Variants in TRPM3 observed in about 807,000 individuals in gnomAD.
TRPM3 encodes transient receptor potential cation channel subfamily M member 3, also known as long transient receptor potential channel 3.
Under a neutral mutation model 181.2 loss-of-function variants are expected in TRPM3, and 77 were observed. That is an observed-to-expected ratio of 0.42 (90% CI 0.35 to 0.51). TRPM3 has a LOEUF of 0.51. TRPM3 is among the 20% of genes least tolerant of loss of function. The probability of loss-of-function intolerance (pLI) is 0.01; values close to 1 mark genes in which losing one functional copy is unlikely to be tolerated. For missense variants in TRPM3, 1,759 were observed against 2,196.7 expected (o/e 0.80, Z 3.98); for synonymous variants, 745 against 796.4 (o/e 0.94, Z 1.09).
At chr9:71,396,094 A>G (rs888823880) in intron 1 of TRPM3, among the ~76,000 whole-genome samples, 1 of 152,230 alleles carries the variant, frequency 6.6e-6, no homozygotes, top group Non-Finnish European at 1.5e-5. Flanking sequence ...AACAACTATT[A>G]GGATTAAAAA....
intron 12 of TRPM3, among the ~76,000 whole-genome samples, chr9:70,627,406 T>G (rs1367794328): frequency 6.6e-6 from 1 of 151,678 alleles, no homozygotes; most frequent in Non-Finnish European, 1.5e-5. Flanking sequence ...CCGAGTAGCT[T>G]GGACTACAGG....
chr9:71,408,157 G>A (rs1478354723), intron 1 of TRPM3, among the ~76,000 whole-genome samples: 1 of 152,208 alleles, frequency 6.6e-6, no homozygotes, highest in Non-Finnish European at 1.5e-5. Flanking sequence ...AACCAGAGCA[G>A]AAAAGTTGAA....
intron 9 of TRPM3, among the ~76,000 whole-genome samples, chr9:70,663,439 G>T (rs1386137183): frequency 6.6e-6 from 1 of 152,116 alleles, no homozygotes; most frequent in Non-Finnish European, 1.5e-5. Context: ...TTATGAATGA[G>T]CAAGTGAATG....
intron 1 of TRPM3, among the ~76,000 whole-genome samples, chr9:70,879,047 C>T (rs890391084): frequency 1.6e-4 from 25 of 152,024 alleles, no homozygotes; most frequent in Admixed American, 1.4e-3. Context: ...CTAATTTGGA[C>T]CTCATCATAC....
intron 14 of TRPM3, among the ~76,000 whole-genome samples, chr9:70,622,858 TTC>T (rs1026160231): frequency 5.9e-5 from 9 of 152,284 alleles, no homozygotes; most frequent in Non-Finnish European, 8.8e-5. Flanking sequence ...TCTCTCATTT[TTC>T]TCTCTCTCTT....
Position 70,772,186 on chromosome 9 carries a change from T to C in TRPM3, c.1149-10462A>G, listed in dbSNP as rs74439293. Reference sequence around the variant, plus strand: ...TCCAATATGGTAGCTGTTACTCACATGTGGCTATTTAATTATAATACAATG... The same window carrying C: ...TCCAATATGGTAGCTGTTACTCACACGTGGCTATTTAATTATAATACAATG... On this transcript the variant is annotated intron_variant, in intron 7 of 25. Coordinates refer to ENST00000677713, the MANE Select transcript of TRPM3 (RefSeq NM_001366145.2). Among the ~76,000 whole-genome samples the C allele has an allele frequency of 3.9e-3, 591 of 150,458 alleles. 5 individuals are homozygous for C. Among genetic ancestry groups the C allele is most frequent in the African/African-American group, 0.014 (570 of 39,814 alleles).
chr9:71,372,668 G>C (rs1277620884), intron 1 of TRPM3, among the ~76,000 whole-genome samples: 1 of 152,136 alleles, frequency 6.6e-6, no homozygotes, highest in Non-Finnish European at 1.5e-5. Context: ...AGAAGAGTCT[G>C]TTCATGTTCT....
At chr9:71,261,149 C>G (rs11142759) in intron 1 of TRPM3, among the ~76,000 whole-genome samples, 82,629 of 152,050 alleles carry the variant, frequency 0.54, 22,570 homozygotes, top group African/African-American at 0.59. Context: ...TCAATCAAAC[C>G]TATGTTTGGT....
intron 1 of TRPM3, among the ~76,000 whole-genome samples, chr9:71,284,631 A>G (rs368882158): frequency 6.6e-6 from 1 of 152,226 alleles, no homozygotes; most frequent in South Asian, 2.1e-4. Context: ...TATATAGGTA[A>G]GCCATAAATT....
At chr9:70,639,326 C>A in intron 10 of TRPM3, 132 bp from the exon 11 acceptor site, 2 of 935,208 alleles carry the variant, frequency 2.1e-6, no homozygotes, top group Admixed American at 2.6e-5. Flanking sequence ...TAAGAACATG[C>A]TAGCAAGACT....
chr9:71,408,359 A>C (rs931672079), intron 1 of TRPM3, among the ~76,000 whole-genome samples: 3 of 152,202 alleles, frequency 2.0e-5, no homozygotes, highest in African/African-American at 7.2e-5. Context: ...ACCTTGAAAA[A>C]AGATTAGACG....
chr9:70,582,872 C>T (rs1389671526), intron 22 of TRPM3, among the ~76,000 whole-genome samples: 2 of 152,176 alleles, frequency 1.3e-5, no homozygotes, highest in African/African-American at 2.4e-5. Context: ...CACCAGGTTA[C>T]AATTACTTCA....
chr9:70,968,611 G>A (rs2097208345), intron 1 of TRPM3, among the ~76,000 whole-genome samples: 1 of 152,130 alleles, frequency 6.6e-6, no homozygotes, highest in African/African-American at 2.4e-5. Context: ...ATTAAATACT[G>A]TCTGTGAAAT....
intron 1 of TRPM3, among the ~76,000 whole-genome samples, chr9:71,007,967 A>C (rs2097697754): frequency 6.6e-6 from 1 of 152,230 alleles, no homozygotes; most frequent in African/African-American, 2.4e-5. Context: ...AAGTAATACA[A>C]AAGAACCCCA....
At chr9:71,325,627 C>T (rs1163992015) in intron 1 of TRPM3, among the ~76,000 whole-genome samples, 2 of 152,016 alleles carry the variant, frequency 1.3e-5, no homozygotes, top group Non-Finnish European at 2.9e-5. Context: ...GAAAAAATTG[C>T]TTAGGCAGGA....
chr9:70,586,074 T>A (rs887942873), intron 22 of TRPM3, among the ~76,000 whole-genome samples: 4 of 152,170 alleles, frequency 2.6e-5, no homozygotes, highest in African/African-American at 9.7e-5. Flanking sequence ...TCAGCTCATA[T>A]CGAGCGGCTC....
intron 1 of TRPM3, among the ~76,000 whole-genome samples, chr9:71,188,247 A>T (rs1407147263): frequency 6.6e-6 from 1 of 151,890 alleles, no homozygotes; most frequent in East Asian, 1.9e-4. Flanking sequence ...GCTGTGTTAG[A>T]GTGCATGCTC....
chr9:71,381,087 A>C (rs1382439137), intron 1 of TRPM3, among the ~76,000 whole-genome samples: 1 of 152,124 alleles, frequency 6.6e-6, no homozygotes, highest in Non-Finnish European at 1.5e-5. Flanking sequence ...AAGAAATACA[A>C]GACAATTACT....
At chr9:70,814,902 C>T (rs1401322352) in intron 6 of TRPM3, among the ~76,000 whole-genome samples, 2 of 151,844 alleles carry the variant, frequency 1.3e-5, no homozygotes, top group Non-Finnish European at 2.9e-5. Flanking sequence ...TTTCCCTCCC[C>T]CTCCCTTCCT....
Sources: gnomAD v4.1 joint callset for allele counts (sites outside exome capture counted in the v4.1 genomes callset) on GRCh38, gnomAD v4.1.1 for gene constraint, MANE v1.5 for transcripts, NCBI Gene and HGNC (gene_info 2026-07-23, HGNC 2026-07-21) for gene names.